GHITM: variants seen among roughly 807,000 people sequenced by gnomAD.
GHITM encodes growth hormone inducible transmembrane protein, also known as growth hormone-inducible transmembrane protein.
In GHITM, 24 loss-of-function variants were observed where a neutral mutation model predicts 38.7. That is an observed-to-expected ratio of 0.62 (90% CI 0.45 to 0.87). The LOEUF (loss-of-function observed/expected upper bound fraction) is 0.87, where lower values mean the gene tolerates loss of function less well. Ranked by LOEUF, GHITM falls within the 40% of genes least tolerant of loss-of-function variation. The probability of loss-of-function intolerance (pLI) is 0.00; values close to 1 mark genes in which losing one functional copy is unlikely to be tolerated. For synonymous variants in GHITM, 154 were observed against 147.8 expected, an observed-to-expected ratio of 1.04 and a Z score of -0.30; for missense variants, 420 against 429.8, an observed-to-expected ratio of 0.98 and a Z score of 0.20.
At chr10:84,145,060 A>C (rs751068524) in intron 5 of GHITM, 44 bp downstream of exon 5, 1 of 1,493,358 alleles carries the variant, frequency 6.7e-7, no homozygotes, top group South Asian at 1.2e-5. Flanking sequence ...TAAAGATCAA[A>C]AGATTAGATA....
At chr10:84,140,260 C>T (rs1841493093) in intron 1 of GHITM, 1 of 152,258 alleles carries the variant, frequency 6.6e-6, no homozygotes, top group South Asian at 2.1e-4. Context: ...ACGAAAGTTC[C>T]AAAAGCGCTG....
At chr10:84,143,796 T>A (rs1157654108) in intron 3 of GHITM, among the ~76,000 whole-genome samples, 199 bp from the exon 4 acceptor site, 2 of 152,208 alleles carry the variant, frequency 1.3e-5, no homozygotes, top group Non-Finnish European at 2.9e-5. Context: ...CCTTTCTTTT[T>A]TGTACTGATT....
intron 7 of GHITM, 54 bp from the exon 8 acceptor site, chr10:84,150,655 A>C (rs1425383782): frequency 7.2e-7 from 1 of 1,382,398 alleles, no homozygotes; most frequent in East Asian, 2.3e-5. Flanking sequence ...TCATAAACTC[A>C]GTTATCGGAA....
chr10:84,139,697 C>T, intron 1 of GHITM, 104 bp downstream of exon 1: 1 of 152,602 alleles, frequency 6.6e-6, no homozygotes. Context: ...AGCAGCGGTG[C>T]TGCTGGCTGC....
chr10:84,141,757 C>A, intron 2 of GHITM, 128 bp downstream of exon 2: 1 of 801,634 alleles, frequency 1.2e-6, no homozygotes, highest in Non-Finnish European at 2.1e-6. Flanking sequence ...CCCCAATCAG[C>A]TCTTTCTCCC....
In GHITM at chr10:84,150,696, A is replaced by G. The variant is rs1841603091; in HGVS notation, c.782-13A>G. ...TTTTTAAAAAAAATCTTGTTTTCGCATTTTGATTTCAGGATCTATGTTTCT... is the reference window on the plus strand; with the variant it reads ...TTTTTAAAAAAAATCTTGTTTTCGCGTTTTGATTTCAGGATCTATGTTTCT... On this transcript the variant is annotated splice_polypyrimidine_tract_variant and intron_variant, in intron 7 of 8. Transcript: ENST00000372134. 1 of 1,567,500 alleles carries G rather than the reference A, an allele frequency of 6.4e-7. No homozygotes were observed. Among genetic ancestry groups the G allele is most frequent in the African/African-American group, 1.4e-5 (1 of 72,706 alleles).
intron 8 of GHITM, among the ~76,000 whole-genome samples, chr10:84,151,677 ATTG>A (rs1841613475): frequency 6.6e-6 from 1 of 152,122 alleles, no homozygotes; most frequent in East Asian, 1.9e-4. Flanking sequence ...GTTGGTATTA[ATTG>A]TTATTATGTT....
Position 84,141,546 on chromosome 10 carries a change from GT to G in GHITM, c.50del (p.Phe17SerfsTer12). ...GTGTCTCCGGACACTACCTTCTAGG[GT>G]TTTCCACCCAGCTTTCACCAAGGCC... ...LVCLRTLPSR[V>X]FHPAFTKASP... On this transcript the variant is annotated frameshift_variant, in exon 2 of 9. Coordinates refer to ENST00000372134, the MANE Select transcript of GHITM (RefSeq NM_014394.3). LOFTEE classifies it high-confidence loss of function. 2 of 1,613,744 alleles carry G rather than the reference GT, an allele frequency of 1.2e-6. No homozygotes were observed. Among genetic ancestry groups the G allele is most frequent in the Non-Finnish European group, 1.7e-6 (2 of 1,179,704 alleles).
intron 7 of GHITM, among the ~76,000 whole-genome samples, chr10:84,150,474 ATGAATATTGCTC>A (rs1441663188): frequency 1.3e-5 from 2 of 152,222 alleles, no homozygotes; most frequent in African/African-American, 2.4e-5. Flanking sequence ...TCTGGAGAAC[ATGAATATTGCTC>A]TGATGCAAGA....
At chr10:84,145,113 T>C in intron 5 of GHITM, 97 bp downstream of exon 5, 1 of 879,016 alleles carries the variant, frequency 1.1e-6, no homozygotes. Flanking sequence ...AAGAATACTG[T>C]ATTGAACAAG....
At chr10:84,150,590 G>T in intron 7 of GHITM, 119 bp from the exon 8 acceptor site, 1 of 711,660 alleles carries the variant, frequency 1.4e-6, no homozygotes, top group Non-Finnish European at 2.3e-6. Flanking sequence ...CATGTACCCA[G>T]ATGTCGTCTT....
In GHITM at chr10:84,142,593, T is replaced by C. The variant is rs1394834323; in HGVS notation, c.130-62T>C. 5.7e-6 allele frequency: 6 copies of C among 1,048,932 alleles called. No homozygotes were observed. In the Admixed American group the frequency reaches 1.0e-4, roughly 18 times the overall value. 65.0% of individuals were successfully genotyped at this position (1,048,932 alleles called of 1,614,324 possible). On this transcript the variant is annotated intron_variant, in intron 2 of 8. Transcript: ENST00000372134. ...TTCTAGTGTAAAGGGATCTTGCATT[T>C]TATTTTATTAACGTTCTGTTTTCAT...
chr10:84,150,277 T>C, intron 7 of GHITM, 34 bp downstream of exon 7: 1 of 1,468,692 alleles, frequency 6.8e-7, no homozygotes, highest in Non-Finnish European at 9.2e-7. Context: ...TAATTCTTGG[T>C]GCATAGTTTC....
intron 2 of GHITM, 41 bp downstream of exon 2, chr10:84,141,670 A>G (rs749507789): frequency 2.7e-5 from 44 of 1,604,004 alleles, no homozygotes; most frequent in Non-Finnish European, 3.2e-5. Flanking sequence ...TTCTTTTTCC[A>G]TTTGTGCCCT....
At chr10:84,151,920 C>T (rs1841616351) in intron 8 of GHITM, among the ~76,000 whole-genome samples, 1 of 152,046 alleles carries the variant, frequency 6.6e-6, no homozygotes, top group South Asian at 2.1e-4. Flanking sequence ...AAATGCTAGA[C>T]TTGTGTCTAA....
Position 84,152,262 on chromosome 10 carries a change from A to G in GHITM, c.954-2A>G. 2.0e-6 allele frequency: 3 copies of G among 1,516,096 alleles called. No homozygotes were observed. The highest frequency in any genetic ancestry group is 2.7e-6 in the Non-Finnish European group (3 of 1,097,298). 93.9% of individuals were successfully genotyped at this position (1,516,096 alleles called of 1,614,324 possible). A position where few individuals can be genotyped will look rare whatever the true frequency, so the allele number is the denominator to read the frequency against. The stretch of plus-strand genomic sequence containing the variant: ...TATAATGGGCATAATTTTCTTTTCT[A>G]GGATGCTGAGTATCTACATGGATAC... On this transcript the variant is annotated splice_acceptor_variant, in intron 8 of 8. Coordinates refer to ENST00000372134, the MANE Select transcript of GHITM (RefSeq NM_014394.3). LOFTEE classifies it high-confidence loss of function.
At position 84,153,058 on chromosome 10, in the gene GHITM, A is replaced by G. The variant is rs958180550; in HGVS notation, c.*710A>G. On this transcript the variant is annotated 3_prime_UTR_variant, in exon 9 of 9. Coordinates refer to ENST00000372134, the MANE Select transcript of GHITM (RefSeq NM_014394.3). ...CAGAGAATCCTTGATGGAATTATAT[A>G]TGTGTGTTTTACTTTTGAATGTTAC... 2.6e-5 allele frequency: 4 copies of G among 152,234 alleles called. No individual in the cohort carries two copies. Among genetic ancestry groups the G allele is most frequent in the African/African-American group, 9.6e-5 (4 of 41,458 alleles). The allele number at this position is 152,234 out of a possible 1,614,324, so 9.4% of individuals were successfully genotyped here.
At position 84,144,070 on chromosome 10, in the gene GHITM, G is replaced by A; in HGVS notation, c.305G>A (p.Gly102Glu). The A allele has an allele frequency of 6.2e-7, 1 of 1,613,740 alleles. No homozygotes were observed. Among genetic ancestry groups the A allele is most frequent in the South Asian group, 1.1e-5 (1 of 91,078 alleles). The change falls in exon 4 of 9, where the codon GGA (glycine) becomes GAA (glutamate). Residue 102 changes from glycine (G) to glutamate (E), a missense_variant. Coordinates refer to ENST00000372134, the MANE Select transcript of GHITM (RefSeq NM_014394.3). ...GLGALCYYGL[G>E]LSNEIGAIEK... is the part of the protein sequence containing the mutation. ...GGAGCATTGTGCTACTATGGCTTGG[G>A]ACTGTCTAATGAGATTGGAGCTATT...
intron 1 of GHITM, 54 bp from the exon 2 acceptor site, chr10:84,141,408 G>A (rs1323624781): frequency 2.1e-5 from 22 of 1,069,666 alleles, no homozygotes; most frequent in Non-Finnish European, 2.8e-5. Context: ...TAATTGGTTA[G>A]TAGGTTGTTT....
Sources: allele counts gnomAD v4.1 joint callset (sites outside exome capture counted in the v4.1 genomes callset), GRCh38; gene constraint gnomAD v4.1.1; transcripts MANE v1.5; gene names NCBI Gene and HGNC (gene_info 2026-07-23, HGNC 2026-07-21).